The following CARS2 variants were observed in gnomAD, a reference collection of about 807,000 sequenced individuals.
CARS2 encodes the protein probable cysteine--tRNA ligase, mitochondrial.
Under a neutral mutation model 68.8 loss-of-function variants are expected in CARS2, and 52 were observed. The observed-to-expected ratio is 0.76, with a 90% CI of 0.61 to 0.95. CARS2 has a LOEUF of 0.95. Ranked by LOEUF, CARS2 falls within the 40% of genes least tolerant of loss-of-function variation. The pLI is 0.00. For synonymous variants in CARS2, 314 were observed against 303.6 expected (o/e 1.03, Z -0.36); for missense variants, 780 against 754.2 (o/e 1.03, Z -0.40).
chr13:110,648,550 C>T (rs451270), intron 10 of CARS2: 36,946 of 152,192 alleles, frequency 0.24, 5,104 homozygotes, highest in African/African-American at 0.38. Context: ...GGGAAGATCC[C>T]GAACTCCCAC....
chr13:110,685,878 G>A (rs1366557370), intron 5 of CARS2, among the ~76,000 whole-genome samples: 1 of 149,532 alleles, frequency 6.7e-6, no homozygotes. Context: ...ATTAGCATCC[G>A]CAAACCAATG....
chr13:110,652,762 G>A (rs377245553), intron 9 of CARS2, among the ~76,000 whole-genome samples: 22 of 152,220 alleles, frequency 1.4e-4, no homozygotes, highest in African/African-American at 5.3e-4. Flanking sequence ...CTCAACCTGG[G>A]GTCCACAGAC....
intron 9 of CARS2, among the ~76,000 whole-genome samples, chr13:110,657,469 C>G (rs1029062224): frequency 6.6e-6 from 1 of 152,202 alleles, no homozygotes; most frequent in African/African-American, 2.4e-5. Context: ...AGGGGTCTGT[C>G]CCTGGGGGAC....
chr13:110,677,175 C>T (rs1169018172), intron 6 of CARS2, 72 bp from the exon 7 acceptor site: 11 of 1,477,252 alleles, frequency 7.4e-6, no homozygotes, highest in Admixed American at 2.1e-5. Flanking sequence ...GACATTCACC[C>T]CCACCACAGA....
intron 3 of CARS2, among the ~76,000 whole-genome samples, chr13:110,691,594 T>C (rs1014933552): frequency 2.6e-5 from 4 of 152,148 alleles, no homozygotes; most frequent in Admixed American, 2.6e-4. Flanking sequence ...CGCCTCTATC[T>C]ACCTCTGGCT....
chr13:110,651,351 C>T (rs529729573), intron 9 of CARS2: 12 of 481,684 alleles, frequency 2.5e-5, no homozygotes, highest in South Asian at 6.9e-5. Context: ...ACTGAAAATC[C>T]GCACCTGCGC....
chr13:110,647,218 G>A lies in CARS2; in HGVS notation c.1076C>T (p.Ala359Val). Residue 359 changes from alanine to valine, a missense_variant, in exon 11 of 15, where the codon GCC (alanine) becomes GTC (valine). Coordinates refer to ENST00000257347, the MANE Select transcript of CARS2 (RefSeq NM_024537.4). ...GAGCAGCTGCTGAGCTTGGAGCATG[G>A]CGCTGTCACTGTAGTCGATGGCTGA... ...YRSAIDYSDSAMLQAQQLLLG... is the reference protein window; with the variant it reads ...YRSAIDYSDSVMLQAQQLLLG... 6.2e-7 allele frequency: 1 copy of A among 1,613,190 alleles called. No individual in the cohort carries two copies.
At position 110,693,041 on chromosome 13, in the gene CARS2, C is replaced by T. The variant is rs148862589; in HGVS notation, c.394-5023G>A. The stretch of plus-strand genomic sequence containing the variant: ...AGGAGAATCGCTTGAACTCGGGAGG[C>T]GGAGGTTGCAGTGGGCAGAGATTGC... On this transcript the variant is annotated intron_variant, in intron 3 of 14. Transcript: ENST00000257347. Among the ~76,000 whole-genome samples the T allele has an allele frequency of 1.2e-3, 148 of 127,168 alleles. 2 individuals are homozygous for T. The highest frequency in any genetic ancestry group is 4.3e-3 in the African/African-American group (142 of 33,152). 83.4% of individuals were successfully genotyped at this position (127,168 alleles called of 152,430 possible). A position where few individuals can be genotyped will look rare whatever the true frequency, so the allele number is the denominator to read the frequency against.
chr13:110,704,395 T>C (rs2063879088), intron 2 of CARS2, among the ~76,000 whole-genome samples: 1 of 152,232 alleles, frequency 6.6e-6, no homozygotes, highest in Non-Finnish European at 1.5e-5. Context: ...AAAAGTATGT[T>C]AGCCCAAAGT....
At position 110,712,856 on chromosome 13, in the gene CARS2, C is replaced by G. The variant is rs980643860; in HGVS notation, n.399+281G>C. The stretch of plus-strand genomic sequence containing the variant: ...AGGAAGCAGCTTCCCTCTCAGGCCC[C>G]TTTGTCTCCAAGCCGTTCCAAACTG... On this transcript the variant is annotated intron_variant and non_coding_transcript_variant, in intron 1 of 2. Coordinates refer to the CARS2 transcript ENST00000485188. 9.0e-6 allele frequency: 11 copies of G among 1,220,570 alleles called. No homozygotes were observed. In the Admixed American group the frequency reaches 2.2e-4, roughly 24 times the overall value. 75.6% of individuals were successfully genotyped at this position (1,220,570 alleles called of 1,614,324 possible).
chr13:110,679,569 GAGAGAGAAAGAAAGAA>G (rs1473907147), intron 6 of CARS2, among the ~76,000 whole-genome samples: 9 of 98,400 alleles, frequency 9.1e-5, no homozygotes, highest in East Asian at 5.8e-4. Context: ...AAGAAAGAAA[GAGAGAGAAAGAAAGAA>G]AGAAAGAAAG....
intron 5 of CARS2, among the ~76,000 whole-genome samples, chr13:110,684,967 T>C (rs1398348634): frequency 6.6e-6 from 1 of 152,168 alleles, no homozygotes; most frequent in Non-Finnish European, 1.5e-5. Context: ...ATTTATACTA[T>C]CATTAAATTG....
exon 1 of CARS2, chr13:110,713,446 G>A (rs966956346): frequency 2.0e-6 from 2 of 994,054 alleles, no homozygotes; most frequent in East Asian, 1.1e-4. Context: ...TCCTAGTAAA[G>A]TTTGCGCCTC....
At position 110,676,597 on chromosome 13, in the gene CARS2, G is replaced by C. The variant is rs1447615522; in HGVS notation, c.785+377C>G. ...CGAGTTGCCTGAGCTAGAAGAGCTG[G>C]CGGGAAGGCGGAGAGGGATTTGGGG... is the stretch of plus-strand genomic sequence containing the variant. On this transcript the variant is annotated intron_variant, in intron 7 of 14. Coordinates refer to ENST00000257347, the MANE Select transcript of CARS2 (RefSeq NM_024537.4). The surrounding 1 kb of genome is among the most constrained non-coding windows in gnomAD (Gnocchi z 4.0). Among the ~76,000 whole-genome samples, 3 of 152,168 alleles carry C rather than the reference G, an allele frequency of 2.0e-5. No individual in the cohort carries two copies. Among genetic ancestry groups the C allele is most frequent in the African/African-American group, 7.2e-5 (3 of 41,428 alleles).
chr13:110,679,463 GA>G (rs2063072594), intron 6 of CARS2, among the ~76,000 whole-genome samples: 1 of 151,390 alleles, frequency 6.6e-6, no homozygotes, highest in Non-Finnish European at 1.5e-5. Context: ...TCGGGAGGCG[GA>G]GGTTACAGTG....
At position 110,645,988 on chromosome 13, in the gene CARS2, T is replaced by C. The variant is rs1351991696; in HGVS notation, c.1296A>G (p.Gly432=). The C allele has an allele frequency of 6.2e-7, 1 of 1,613,740 alleles. No individual in the cohort carries two copies. The highest frequency in any genetic ancestry group is 1.7e-5 in the Admixed American group (1 of 59,950). The part of the protein sequence containing the change: ...AILGLAHHGN[G]QLRASLKEPE... Reference sequence around the variant, plus strand: ...CTACCTTCAGGGACGCCCTGAGCTGTCCATTCCCGTGGTGTGCAAGGCCCA... The same window carrying C: ...CTACCTTCAGGGACGCCCTGAGCTGCCCATTCCCGTGGTGTGCAAGGCCCA... Residue 432 remains glycine, a synonymous_variant, in exon 12 of 15, where the codon GGA becomes GGG. Coordinates refer to ENST00000257347, the MANE Select transcript of CARS2 (RefSeq NM_024537.4).
rs866215783 is a variant in CARS2 at position 110,692,047 on chromosome 13, T to C, written c.394-4029A>G. The stretch of plus-strand genomic sequence containing the variant: ...ATACACACACACACATATATATATA[T>C]ACACATATACATATATATATACACA... On this transcript the variant is annotated intron_variant, in intron 3 of 14. Coordinates refer to ENST00000257347, the MANE Select transcript of CARS2 (RefSeq NM_024537.4). Among the ~76,000 whole-genome samples, 818 of 129,138 alleles carry C rather than the reference T, an allele frequency of 6.3e-3. 8 individuals are homozygous for C. The highest frequency in any genetic ancestry group is 0.023 in the African/African-American group (770 of 33,298). The allele number at this position is 129,138 out of a possible 152,430, so 84.7% of individuals were successfully genotyped here.
intron 1 of CARS2, chr13:110,712,217 G>A (rs2064034860): frequency 6.5e-6 from 1 of 153,298 alleles, no homozygotes; most frequent in Non-Finnish European, 1.5e-5. Context: ...GGAATACACA[G>A]GCAGCACCAC....
At chr13:110,666,214 C>A (rs903626371) in intron 8 of CARS2, 1 of 985,278 alleles carries the variant, frequency 1.0e-6, no homozygotes, top group African/African-American at 1.7e-5. Flanking sequence ...GCAGCGTGCA[C>A]CCCCTTCCCA....
Sources: allele counts gnomAD v4.1 joint callset (sites outside exome capture counted in the v4.1 genomes callset), GRCh38; gene constraint gnomAD v4.1.1; non-coding constraint Gnocchi (gnomAD v3.1); transcripts MANE v1.5; gene names NCBI Gene and HGNC (gene_info 2026-07-23, HGNC 2026-07-21).